WWOX: variants seen among roughly 807,000 people sequenced by gnomAD.
The protein encoded by WWOX is WW domain containing oxidoreductase.
A neutral mutation model predicts 46.2 loss-of-function variants in WWOX; 69 were observed. The observed-to-expected ratio is 1.49, with a 90% CI of 1.23 to 1.82. The LOEUF (loss-of-function observed/expected upper bound fraction) is 1.82, where lower values mean the gene tolerates loss of function less well. Among genes scored for constraint, WWOX ranks in the 40% most tolerant of loss-of-function variants. WWOX has a pLI of 0.00. For synonymous variants in WWOX, 359 were observed against 202.6 expected, an observed-to-expected ratio of 1.77 and a Z score of -6.56; for missense variants, 919 against 542.6, an observed-to-expected ratio of 1.69 and a Z score of -6.89.
At chr16:78,742,437 C>G (rs1051486606) in intron 8 of WWOX, among the ~76,000 whole-genome samples, 1 of 152,164 alleles carries the variant, frequency 6.6e-6, no homozygotes, top group African/African-American at 2.4e-5. Context: ...AGATAATAGT[C>G]AGCACCTATG....
At chr16:78,259,358 G>C (rs1288827515) in intron 5 of WWOX, among the ~76,000 whole-genome samples, 1 of 152,152 alleles carries the variant, frequency 6.6e-6, no homozygotes, top group Non-Finnish European at 1.5e-5. Context: ...ACAGAGTCTT[G>C]CTCTGTCACC....
intron 8 of WWOX, among the ~76,000 whole-genome samples, chr16:78,638,006 G>T (rs1394949899): frequency 6.6e-6 from 1 of 152,170 alleles, no homozygotes. Flanking sequence ...TGTCTGTGCA[G>T]TGTTTGAGTT....
intron 8 of WWOX, among the ~76,000 whole-genome samples, chr16:78,869,244 T>A (rs890027879): frequency 3.9e-5 from 6 of 152,160 alleles, no homozygotes; most frequent in Non-Finnish European, 5.9e-5. Context: ...CAGATCTCTA[T>A]CCTGTCACCC....
At chr16:79,027,743 T>A (rs2047674733) in intron 8 of WWOX, among the ~76,000 whole-genome samples, 2 of 151,774 alleles carry the variant, frequency 1.3e-5, no homozygotes, top group Non-Finnish European at 2.9e-5. Flanking sequence ...GAATGTCTCT[T>A]TTTTGATTTA....
intron 8 of WWOX, among the ~76,000 whole-genome samples, chr16:78,840,565 C>T (rs1270642426): frequency 2.6e-5 from 4 of 152,114 alleles, no homozygotes; most frequent in Admixed American, 6.5e-5. Context: ...AGTATTGTTA[C>T]ACAGTTTGTA....
In WWOX at chr16:78,164,303, T is replaced by A. The variant is rs779863445; in HGVS notation, c.516+14T>A. The A allele has an allele frequency of 1.2e-6, 2 of 1,611,144 alleles. No individual in the cohort carries two copies. The highest frequency in any genetic ancestry group is 1.7e-6 in the Non-Finnish European group (2 of 1,177,994). ...TTAGAAGAATGGGTAAGTGCTTGAC[T>A]GTTGTTGTTTTTTTTAATTGTCAAA... On this transcript the variant is annotated intron_variant, in intron 5 of 8. Coordinates refer to ENST00000566780, the MANE Select transcript of WWOX (RefSeq NM_016373.4).
chr16:79,108,675 G>C (rs1259930413), intron 8 of WWOX, among the ~76,000 whole-genome samples: 3 of 152,170 alleles, frequency 2.0e-5, no homozygotes, highest in Non-Finnish European at 4.4e-5. Flanking sequence ...GCTGAGGCAG[G>C]AGGATTGCTT....
At chr16:78,898,373 G>A (rs2044750029) in intron 8 of WWOX, 1 of 152,020 alleles carries the variant, frequency 6.6e-6, no homozygotes, top group Non-Finnish European at 1.5e-5. Flanking sequence ...CTCTCCAATT[G>A]TTCTAGCACT....
intron 4 of WWOX, among the ~76,000 whole-genome samples, chr16:78,141,916 C>G (rs894613516): frequency 4.6e-5 from 7 of 151,346 alleles, no homozygotes; most frequent in Non-Finnish European, 1.0e-4. Context: ...GAGCTAGGGG[C>G]AAAATACATA....
intron 8 of WWOX, among the ~76,000 whole-genome samples, chr16:79,075,959 T>G (rs1470335220): frequency 6.6e-6 from 1 of 152,238 alleles, no homozygotes; most frequent in African/African-American, 2.4e-5. Context: ...GGATCATGTG[T>G]GGAGTCCCCA....
chr16:79,171,451 G>T (rs2050697556), intron 8 of WWOX, among the ~76,000 whole-genome samples: 2 of 152,138 alleles, frequency 1.3e-5, no homozygotes, highest in African/African-American at 4.8e-5. Context: ...TGGTTTATAA[G>T]AAGTTTTTTG....
intron 8 of WWOX, among the ~76,000 whole-genome samples, chr16:79,158,507 C>T (rs1209461143): frequency 7.3e-6 from 1 of 136,556 alleles, no homozygotes; most frequent in Non-Finnish European, 1.5e-5. Flanking sequence ...AATACAACTC[C>T]TTATCCTGTC....
Position 78,532,099 on chromosome 16 carries a change from G to A in WWOX, c.1056+99347G>A, listed in dbSNP as rs1428666080. On this transcript the variant is annotated intron_variant, in intron 8 of 8. Transcript: ENST00000566780. ...TTTTCTTTTTCCCTTATGCATTTGG[G>A]AGTGGAAGAGCTGTCAGATTCTGAA... is the stretch of plus-strand genomic sequence containing the variant. 1.2e-4 allele frequency among the ~76,000 whole-genome samples: 18 copies of A among 151,756 alleles called. No homozygotes were observed. In the East Asian group the frequency reaches 2.3e-3, roughly 20 times the overall value.
At chr16:78,500,405 T>TTTCTTTCC (rs1675598117) in intron 8 of WWOX, among the ~76,000 whole-genome samples, 1 of 149,056 alleles carries the variant, frequency 6.7e-6, no homozygotes, top group South Asian at 2.1e-4. Context: ...CCTTTTCTTC[T>TTTCTTTCC]TTCCTTCCTT....
chr16:78,883,684 A>G (rs937812011), intron 8 of WWOX, among the ~76,000 whole-genome samples: 9 of 151,806 alleles, frequency 5.9e-5, no homozygotes, highest in Admixed American at 2.0e-4. Context: ...AGATCATGCT[A>G]CTGTACTCCA....
At chr16:78,746,358 A>C (rs143996837) in intron 8 of WWOX, among the ~76,000 whole-genome samples, 148 of 152,082 alleles carry the variant, frequency 9.7e-4, no homozygotes, top group African/African-American at 3.3e-3. Context: ...ATTAGCTGGG[A>C]ATGATGGTGC....
chr16:78,213,112 A>G (rs2036609916), intron 5 of WWOX, among the ~76,000 whole-genome samples: 1 of 151,908 alleles, frequency 6.6e-6, no homozygotes, highest in Non-Finnish European at 1.5e-5. Context: ...TTAGTCAGGT[A>G]TGGTGACGTG....
At chr16:78,894,485 T>C (rs2044658565) in intron 8 of WWOX, among the ~76,000 whole-genome samples, 1 of 152,248 alleles carries the variant, frequency 6.6e-6, no homozygotes, top group African/African-American at 2.4e-5. Context: ...CTCTACTGGT[T>C]GGAAACACAG....
At chr16:78,224,914 A>G (rs2037001421) in intron 5 of WWOX, among the ~76,000 whole-genome samples, 1 of 152,148 alleles carries the variant, frequency 6.6e-6, no homozygotes, top group South Asian at 2.1e-4. Context: ...TGATCTATTA[A>G]TGTTCTGTGA....
Sources: allele counts gnomAD v4.1 joint callset (sites outside exome capture counted in the v4.1 genomes callset), GRCh38; gene constraint gnomAD v4.1.1; transcripts MANE v1.5; gene names NCBI Gene and HGNC (gene_info 2026-07-23, HGNC 2026-07-21).